The following ACMSD variants were observed in gnomAD, a reference collection of about 807,000 sequenced individuals.
ACMSD encodes 2-amino-3-carboxymuconate-6-semialdehyde decarboxylase.
ACMSD carries 37 observed loss-of-function variants against 45.9 expected under a neutral mutation model. The observed-to-expected ratio is 0.81, with a 90% confidence interval of 0.62 to 1.06. The LOEUF is 1.06. Among genes scored for constraint, ACMSD ranks in the 50% least tolerant of loss-of-function variants. ACMSD has a pLI of 0.00. For synonymous variants in ACMSD, 138 were observed against 148.8 expected, an observed-to-expected ratio of 0.93 and a Z score of 0.53; for missense variants, 434 against 420.9, an observed-to-expected ratio of 1.03 and a Z score of -0.27.
At chr2:134,849,963 A>AACACACACAC (rs10617563) in intron 2 of ACMSD, among the ~76,000 whole-genome samples, 2 of 145,880 alleles carry the variant, frequency 1.4e-5, no homozygotes, top group Non-Finnish European at 3.0e-5. Context: ...GGGCCTTGGG[A>AACACACACAC]ACACACACAC....
At chr2:134,890,437 G>A (rs1303093480) in intron 8 of ACMSD, among the ~76,000 whole-genome samples, 1 of 152,018 alleles carries the variant, frequency 6.6e-6, no homozygotes, top group African/African-American at 2.4e-5. Flanking sequence ...GGAAACTTCA[G>A]AGACATAACA....
At chr2:134,901,491 T>G (rs560933659) in intron 9 of ACMSD, among the ~76,000 whole-genome samples, 21 of 152,334 alleles carry the variant, frequency 1.4e-4, no homozygotes, top group African/African-American at 4.3e-4. Flanking sequence ...TCTCTGTATT[T>G]GCCCCCAAAT....
At chr2:134,901,251 T>C (rs947732349) in intron 9 of ACMSD, among the ~76,000 whole-genome samples, 28 of 152,206 alleles carry the variant, frequency 1.8e-4, no homozygotes, top group Non-Finnish European at 3.8e-4. Context: ...AGAGTTGATA[T>C]AGTTTATAGC....
chr2:134,901,875 A>G lies in ACMSD; in HGVS notation c.*15A>G. 1 of 1,580,910 alleles carries G rather than the reference A, an allele frequency of 6.3e-7. No individual in the cohort carries two copies. Among genetic ancestry groups the G allele is most frequent in the East Asian group, 2.3e-5 (1 of 44,310 alleles). ...AATTTGAATGACTGAATTTACTACAAAGGCAAACTTTCAAAAGGATATCTC... is the reference window on the plus strand; with the variant it reads ...AATTTGAATGACTGAATTTACTACAGAGGCAAACTTTCAAAAGGATATCTC... On this transcript the variant is annotated 3_prime_UTR_variant, in exon 10 of 10. Coordinates refer to ENST00000356140, the MANE Select transcript of ACMSD (RefSeq NM_138326.3).
At chr2:134,870,001 T>C (rs549275635) in intron 6 of ACMSD, among the ~76,000 whole-genome samples, 123 of 152,324 alleles carry the variant, frequency 8.1e-4, no homozygotes, top group African/African-American at 2.8e-3. Flanking sequence ...CCATCATGCT[T>C]CCAGAATTCC....
chr2:134,877,658 G>C (rs1688812783), intron 8 of ACMSD: 1 of 151,208 alleles, frequency 6.6e-6, no homozygotes, highest in South Asian at 2.1e-4. Flanking sequence ...GAGAGAAATG[G>C]GGAGAGATGG....
chr2:134,888,004 A>G (rs1051317229), intron 8 of ACMSD, among the ~76,000 whole-genome samples: 1 of 152,358 alleles, frequency 6.6e-6, no homozygotes, highest in African/African-American at 2.4e-5. Context: ...ATAAAACCAT[A>G]AAGAAGAATT....
chr2:134,882,404 T>A (rs2104917118), intron 8 of ACMSD, among the ~76,000 whole-genome samples: 1 of 152,250 alleles, frequency 6.6e-6, no homozygotes, highest in East Asian at 1.9e-4. Context: ...CTTCTACAAC[T>A]CTAAAATGGG....
At chr2:134,840,167 C>CAAAAAAAAAAAA (rs1158518481) in intron 1 of ACMSD, among the ~76,000 whole-genome samples, 624 of 23,388 alleles carry the variant, frequency 0.027, 90 homozygotes, top group South Asian at 0.05. Context: ...CTATACCTAG[C>CAAAAAAAAAAAA]AAAAAAAAAA....
At position 134,845,317 on chromosome 2, in the gene ACMSD, G is replaced by C. The variant is rs374073000; in HGVS notation, c.102+40G>C. The stretch of plus-strand genomic sequence containing the variant: ...AAGTATGAACATCAGTAGCACTCAG[G>C]GAGAGCTGAGCCATGGGATACCTCA... On this transcript the variant is annotated intron_variant, in intron 2 of 9. Transcript: ENST00000356140. 23 of 1,609,812 alleles carry C rather than the reference G, an allele frequency of 1.4e-5. No individual in the cohort carries two copies. In the African/African-American group the frequency reaches 2.0e-4, roughly 14 times the overall value.
At chr2:134,878,128 T>C (rs1242967399) in intron 8 of ACMSD, among the ~76,000 whole-genome samples, 6 of 152,120 alleles carry the variant, frequency 3.9e-5, no homozygotes, top group Admixed American at 3.9e-4. Context: ...ACAGACAAGT[T>C]CCTTTGTTCC....
Position 134,842,270 on chromosome 2 carries a change from C to A in ACMSD, c.58-2963C>A, listed in dbSNP as rs528107265. Among the ~76,000 whole-genome samples, 33 of 152,198 alleles carry A rather than the reference C, an allele frequency of 2.2e-4. No individual in the cohort carries two copies. In the South Asian group the frequency reaches 6.8e-3, roughly 32 times the overall value. On this transcript the variant is annotated intron_variant, in intron 1 of 9. Transcript: ENST00000356140. ...ACTGCGGGGCTACATCAAGCACAGA[C>A]CTGGAGAAGAATAAAGTTGCCCTAA...
At chr2:134,890,395 G>A (rs1689707514) in intron 8 of ACMSD, among the ~76,000 whole-genome samples, 1 of 151,964 alleles carries the variant, frequency 6.6e-6, no homozygotes, top group Non-Finnish European at 1.5e-5. Context: ...CAGATGAAGA[G>A]TGACAAAAAA....
chr2:134,879,105 TCCGTATCTTAA>T (rs1415172292), intron 8 of ACMSD, among the ~76,000 whole-genome samples: 2 of 152,232 alleles, frequency 1.3e-5, no homozygotes, highest in Non-Finnish European at 2.9e-5. Flanking sequence ...TTGCCAGAAA[TCCGTATCTTAA>T]CTTTAGCATC....
intron 9 of ACMSD, among the ~76,000 whole-genome samples, chr2:134,901,472 T>C (rs1398978951): frequency 6.6e-6 from 1 of 152,196 alleles, no homozygotes; most frequent in Non-Finnish European, 1.5e-5. Flanking sequence ...CAGACCTAAC[T>C]GTACCTTTTC....
At chr2:134,868,170 ACCAC>A (rs534524597) in intron 6 of ACMSD, among the ~76,000 whole-genome samples, 4 of 152,206 alleles carry the variant, frequency 2.6e-5, no homozygotes, top group Admixed American at 6.5e-5. Flanking sequence ...GTCAACTTCC[ACCAC>A]CCAAAGATCT....
At chr2:134,863,345 AAAG>A in intron 4 of ACMSD, 47 bp from the exon 5 acceptor site, 1 of 1,554,878 alleles carries the variant, frequency 6.4e-7, no homozygotes, top group Non-Finnish European at 8.9e-7. Flanking sequence ...TGAATGTCTA[AAAG>A]AAGTAGGTTT....
intron 1 of ACMSD, among the ~76,000 whole-genome samples, chr2:134,842,565 C>T (rs915675049): frequency 9.2e-5 from 14 of 152,266 alleles, no homozygotes; most frequent in African/African-American, 3.1e-4. Context: ...ACCATACTCA[C>T]TACTTCAGCC....
rs1687735050 is a variant in ACMSD, at chr2:134,859,266, A to G, written c.108A>G (p.Glu36=). 1 of 1,614,090 alleles carries G rather than the reference A, an allele frequency of 6.2e-7. No homozygotes were observed. Among genetic ancestry groups the G allele is most frequent in the Non-Finnish European group, 8.5e-7 (1 of 1,179,960 alleles). ...ATGTGGGTTTTCTGCCCCAGGGAGA[A>G]GCAAAGTTGTTGAAAGATGGGAAAG... ...WVQLQHHSKG[E]AKLLKDGKVF... The change falls in exon 3 of 10, where the codon GAA becomes GAG. Residue 36 remains glutamate, a synonymous_variant. Coordinates refer to ENST00000356140, the MANE Select transcript of ACMSD (RefSeq NM_138326.3).
Sources: gnomAD v4.1 joint callset for allele counts (sites outside exome capture counted in the v4.1 genomes callset) on GRCh38, gnomAD v4.1.1 for gene constraint, MANE v1.5 for transcripts, NCBI Gene and HGNC (gene_info 2026-07-23, HGNC 2026-07-21) for gene names.